IRAG1: variants seen among roughly 807,000 people sequenced by gnomAD.
The protein encoded by IRAG1 is inositol 1,4,5-triphosphate receptor associated 1, also known as IP3R-associated cGMP kinase substrate.
In IRAG1, 62 loss-of-function variants were observed where a neutral mutation model predicts 106.2. The observed-to-expected ratio is 0.58, with a 90% confidence interval of 0.48 to 0.72. The LOEUF (loss-of-function observed/expected upper bound fraction) is 0.72, where lower values mean the gene tolerates loss of function less well. Ranked by LOEUF, IRAG1 falls within the 30% of genes least tolerant of loss-of-function variation. IRAG1 has a pLI of 0.00. For synonymous variants in IRAG1, 462 were observed against 443.9 expected (o/e 1.04, Z -0.51); for missense variants, 1,064 against 1,140.7 (o/e 0.93, Z 0.97).
chr11:10,603,185 C>T lies in IRAG1; in HGVS notation c.1810G>A (p.Ala604Thr), dbSNP rs764761396. Residue 604 changes from alanine (A) to threonine (T), a missense_variant, in exon 14 of 21, where the codon GCT becomes ACT. Ala to Thr is a moderately conservative substitution (Grantham distance 58). Transcript: ENST00000423302. ...ETYQKLLEDIAVLHRLAARLS... is the reference protein window; with the variant it reads ...ETYQKLLEDITVLHRLAARLS... ...CGGGCAGCCAGGCGGTGCAGGACAG[C>T]GATGTCCTCCAGCAACTTCTGGTAG... 4.3e-5 allele frequency: 70 copies of T among 1,611,518 alleles called. No individual in the cohort carries two copies. The highest frequency in any genetic ancestry group is 1.0e-4 in the Admixed American group (6 of 59,780).
Position 10,625,977 on chromosome 11 carries a change from TG to T in IRAG1, c.1356del (p.Lys453SerfsTer8), listed in dbSNP as rs766471121. 1 of 1,478,546 alleles carries T rather than the reference TG, an allele frequency of 6.8e-7. No individual in the cohort carries two copies. The highest frequency in any genetic ancestry group is 2.4e-5 in the East Asian group (1 of 42,306). The allele number at this position is 1,478,546 out of a possible 1,614,324, so 91.6% of individuals were successfully genotyped here. A position where few individuals can be genotyped will look rare whatever the true frequency, so the allele number is the denominator to read the frequency against. On this transcript the variant is annotated frameshift_variant, in exon 9 of 21. Transcript: ENST00000423302. LOFTEE classifies it high-confidence loss of function. ...QVQPVRMQKL[T>X]KLREEHILMR... is the part of the protein sequence containing the mutation. Reference sequence around the variant, plus strand: ...CCCCAGGAACCCACCTCTCGGAGCTTGGTCAGTTTCTGCATCCGCACGGGCT... The same window carrying T: ...CCCCAGGAACCCACCTCTCGGAGCTTGTCAGTTTCTGCATCCGCACGGGCT...
chr11:10,641,803 G>T (rs1372259338), intron 2 of IRAG1, among the ~76,000 whole-genome samples: 1 of 152,094 alleles, frequency 6.6e-6, no homozygotes, highest in African/African-American at 2.4e-5. Flanking sequence ...TTTCTCTTCT[G>T]CTTTTCTATT....
chr11:10,658,046 C>T (rs549822710), intron 1 of IRAG1, among the ~76,000 whole-genome samples: 6 of 152,298 alleles, frequency 3.9e-5, no homozygotes, highest in South Asian at 2.1e-4. Flanking sequence ...AGGCGTCCTT[C>T]GGCAGTGACT....
At chr11:10,684,605 A>T (rs1288515933) in intron 1 of IRAG1, among the ~76,000 whole-genome samples, 1 of 42,236 alleles carries the variant, frequency 2.4e-5, no homozygotes, top group East Asian at 2.6e-3. Flanking sequence ...CTTAAAGTAT[A>T]ATAATAATAA....
intron 1 of IRAG1, among the ~76,000 whole-genome samples, chr11:10,690,851 G>C (rs150017830): frequency 6.6e-6 from 1 of 152,070 alleles, no homozygotes; most frequent in East Asian, 1.9e-4. Flanking sequence ...ATTTTCTCCC[G>C]TTTCCTTTTA....
At chr11:10,683,695 C>G (rs892144196) in intron 1 of IRAG1, among the ~76,000 whole-genome samples, 2 of 152,138 alleles carry the variant, frequency 1.3e-5, no homozygotes, top group African/African-American at 4.8e-5. Flanking sequence ...CTCCCTTGCT[C>G]CAGCACCACA....
At chr11:10,645,746 G>C (rs1479860028) in intron 2 of IRAG1, among the ~76,000 whole-genome samples, 1 of 152,190 alleles carries the variant, frequency 6.6e-6, no homozygotes, top group African/African-American at 2.4e-5. Context: ...AAGTCAAGCT[G>C]CCTGGGTTTG....
rs80341980 is a variant in IRAG1 at position 10,652,317 on chromosome 11, G to A, written c.68-135C>T. 1,301 of 1,463,822 alleles carry A rather than the reference G, an allele frequency of 8.9e-4. 12 individuals are homozygous for A. In the African/African-American group the frequency reaches 0.015, roughly 17 times the overall value. 90.7% of individuals were successfully genotyped at this position (1,463,822 alleles called of 1,614,324 possible). On this transcript the variant is annotated intron_variant, in intron 1 of 20. Transcript: ENST00000423302. ...AACACCGGAGGTCAAACCAGGCTAGGAGAGGGCATTTGGAATTTCATTTCC... is the reference window on the plus strand; with the variant it reads ...AACACCGGAGGTCAAACCAGGCTAGAAGAGGGCATTTGGAATTTCATTTCC...
At chr11:10,681,480 T>C (rs1314833177) in intron 1 of IRAG1, among the ~76,000 whole-genome samples, 1 of 152,250 alleles carries the variant, frequency 6.6e-6, no homozygotes, top group Non-Finnish European at 1.5e-5. Flanking sequence ...CAATAACAGC[T>C]GACTCTTCAA....
intron 14 of IRAG1, among the ~76,000 whole-genome samples, chr11:10,601,554 AAACCAG>A: frequency 6.6e-6 from 1 of 152,236 alleles, no homozygotes. Context: ...TCGACATAAT[AAACCAG>A]GGCTGTCCAG....
intron 10 of IRAG1, among the ~76,000 whole-genome samples, chr11:10,617,485 G>C (rs554842157): frequency 3.5e-4 from 53 of 152,278 alleles, no homozygotes; most frequent in African/African-American, 1.3e-3. Flanking sequence ...AAGAGAAATT[G>C]GTTTCTGAAA....
At chr11:10,644,867 G>A (rs1857818958) in intron 2 of IRAG1, among the ~76,000 whole-genome samples, 1 of 152,184 alleles carries the variant, frequency 6.6e-6, no homozygotes, top group East Asian at 1.9e-4. Context: ...CTCTCTGTTG[G>A]CCAGTGAGGA....
rs1184190878 is a variant in IRAG1, at chr11:10,576,433, C to T, written c.2638G>A (p.Glu880Lys). ...GLYNSYNSCAEQADGPLGRST... is the reference protein window; with the variant it reads ...GLYNSYNSCAKQADGPLGRST... ...CTTCCAAGGGGCCCATCAGCCTGCT[C>T]TGCACAAGAGTTATAGGAATTGTAG... The change falls in exon 21 of 21, where the codon GAG (glutamate) becomes AAG (lysine). Residue 880 changes from glutamate to lysine, a missense_variant. By Grantham distance (56) the Glu-to-Lys change is moderately conservative (BLOSUM62 1). Transcript: ENST00000423302. The T allele has an allele frequency of 1.2e-6, 2 of 1,614,020 alleles. No individual in the cohort carries two copies. The highest frequency in any genetic ancestry group is 3.3e-5 in the Admixed American group (2 of 60,032).
intron 10 of IRAG1, chr11:10,611,748 A>C (rs907541931): frequency 6.6e-6 from 1 of 152,214 alleles, no homozygotes; most frequent in Non-Finnish European, 1.5e-5. Flanking sequence ...TACTGAAAGG[A>C]AGATGGGAGA....
At position 10,593,455 on chromosome 11, in the gene IRAG1, C is replaced by G. The variant is rs775174354; in HGVS notation, c.2175+37G>C. On this transcript the variant is annotated intron_variant, in intron 17 of 20. Transcript: ENST00000423302. ...TGAGTACGAAGGAAAGGTTATTCTA[C>G]TATTCTGTGCTGGGAGGCAGACATC... 5.7e-6 allele frequency: 9 copies of G among 1,567,024 alleles called. No individual in the cohort carries two copies. In the South Asian group the frequency reaches 6.7e-5, roughly 12 times the overall value.
intron 2 of IRAG1, among the ~76,000 whole-genome samples, chr11:10,648,451 G>C (rs1351153047): frequency 1.3e-5 from 2 of 152,194 alleles, no homozygotes; most frequent in African/African-American, 2.4e-5. Flanking sequence ...GAGGAATCTG[G>C]TGTTCAAAAA....
At chr11:10,692,510 T>C (rs1290978218) in intron 1 of IRAG1, among the ~76,000 whole-genome samples, 1 of 148,586 alleles carries the variant, frequency 6.7e-6, no homozygotes, top group African/African-American at 2.5e-5. Flanking sequence ...CTCACTAGCA[T>C]GTCATCGTCC....
chr11:10,605,406 T>C (rs927527861), intron 12 of IRAG1, among the ~76,000 whole-genome samples: 37 of 152,200 alleles, frequency 2.4e-4, no homozygotes, highest in African/African-American at 8.0e-4. Flanking sequence ...AGGTACAGAA[T>C]TGACCCAATG....
rs191528419 is a variant in IRAG1 at position 10,605,996 on chromosome 11, T to G, written c.1602+746A>C. On this transcript the variant is annotated intron_variant, in intron 12 of 20. Coordinates refer to ENST00000423302, the MANE Select transcript of IRAG1 (RefSeq NM_130385.4). ...TTTTCTCCTTTGTGCTGATTCCTGC[T>G]CCACCTGCTTTTCAGAGCTGCTGGT... 3.5e-4 allele frequency among the ~76,000 whole-genome samples: 54 copies of G among 152,308 alleles called. 1 individual carries two copies. Among genetic ancestry groups the G allele is most frequent in the Non-Finnish European group, 6.6e-4 (45 of 68,024 alleles).
Sources: gnomAD v4.1 joint callset for allele counts (sites outside exome capture counted in the v4.1 genomes callset) on GRCh38, gnomAD v4.1.1 for gene constraint, MANE v1.5 for transcripts, NCBI Gene and HGNC (gene_info 2026-07-23, HGNC 2026-07-21) for gene names.